Variants in RIMS2 observed in about 807,000 individuals in gnomAD.
RIMS2 encodes the protein regulating synaptic membrane exocytosis 2.
Under a neutral mutation model 174.4 loss-of-function variants are expected in RIMS2, and 59 were observed. The observed-to-expected ratio is 0.34, with a 90% CI of 0.27 to 0.42. The LOEUF is 0.42. Ranked by LOEUF, RIMS2 falls within the 10% of genes least tolerant of loss-of-function variation. The probability of loss-of-function intolerance (pLI) is 1.00; values close to 1 mark genes in which losing one functional copy is unlikely to be tolerated. For missense variants in RIMS2, 1,620 were observed against 1,666.3 expected, an observed-to-expected ratio of 0.97 and a Z score of 0.48; for synonymous variants, 606 against 572.5, an observed-to-expected ratio of 1.06 and a Z score of -0.84.
intron 3 of RIMS2, among the ~76,000 whole-genome samples, chr8:103,770,726 A>G (rs1373074602): frequency 6.8e-6 from 1 of 147,774 alleles, no homozygotes; most frequent in Non-Finnish European, 1.5e-5. Flanking sequence ...AATTAAACCT[A>G]TTTTTTTTTT....
chr8:103,924,400 A>G (rs1362274167), intron 10 of RIMS2, among the ~76,000 whole-genome samples: 1 of 151,694 alleles, frequency 6.6e-6, no homozygotes, highest in East Asian at 1.9e-4. Flanking sequence ...GCTATCTTGT[A>G]TATAATAGTT....
At chr8:103,943,216 A>G (rs971568356) in intron 14 of RIMS2, among the ~76,000 whole-genome samples, 1 of 152,244 alleles carries the variant, frequency 6.6e-6, no homozygotes, top group African/African-American at 2.4e-5. Flanking sequence ...CTTAGTGCTT[A>G]GAATCCTAAA....
At chr8:103,819,502 A>C in intron 3 of RIMS2, 1 of 1,611,980 alleles carries the variant, frequency 6.2e-7, no homozygotes, top group Non-Finnish European at 8.5e-7. Flanking sequence ...AAAAAAAAGA[A>C]AGAAAATGCA....
intron 2 of RIMS2, among the ~76,000 whole-genome samples, chr8:103,763,749 A>C (rs2098137449): frequency 2.0e-5 from 3 of 152,212 alleles, no homozygotes. Flanking sequence ...AGATATTAAC[A>C]GATGAGGAAA....
intron 2 of RIMS2, among the ~76,000 whole-genome samples, chr8:103,712,886 G>T (rs1250487437): frequency 6.6e-6 from 1 of 152,064 alleles, no homozygotes; most frequent in East Asian, 1.9e-4. Context: ...AAAAGTAAAT[G>T]AAAAATAAAA....
chr8:103,708,202 C>G (rs559288122), intron 2 of RIMS2, among the ~76,000 whole-genome samples: 1 of 152,288 alleles, frequency 6.6e-6, no homozygotes, highest in South Asian at 2.1e-4. Flanking sequence ...TTATTCACGG[C>G]TCAAGGCCAC....
At chr8:103,739,751 A>T (rs1360340082) in intron 2 of RIMS2, among the ~76,000 whole-genome samples, 1 of 152,138 alleles carries the variant, frequency 6.6e-6, no homozygotes, top group Non-Finnish European at 1.5e-5. Flanking sequence ...TCTCTTTATC[A>T]TGTATTACTC....
At chr8:103,507,332 G>T (rs60721953) in intron 1 of RIMS2, among the ~76,000 whole-genome samples, 18,877 of 151,926 alleles carry the variant, frequency 0.12, 1,268 homozygotes, top group Middle Eastern at 0.22. Flanking sequence ...TTATTTACTT[G>T]TTTATGGTCT....
At chr8:104,071,236 C>T (rs1010538316) in intron 19 of RIMS2, among the ~76,000 whole-genome samples, 2 of 152,102 alleles carry the variant, frequency 1.3e-5, no homozygotes, top group African/African-American at 2.4e-5. Context: ...AGTTTTATAT[C>T]TTTGACAGCA....
chr8:103,561,405 A>T (rs2091567988), intron 1 of RIMS2, among the ~76,000 whole-genome samples: 1 of 152,156 alleles, frequency 6.6e-6, no homozygotes, highest in African/African-American at 2.4e-5. Flanking sequence ...CTACTTTAAC[A>T]CTTGTTATAT....
chr8:103,795,145 T>C (rs542319386), intron 3 of RIMS2, among the ~76,000 whole-genome samples: 5 of 152,234 alleles, frequency 3.3e-5, no homozygotes, highest in Non-Finnish European at 7.3e-5. Flanking sequence ...TGTGTGTTTA[T>C]TGTGGCACTA....
At chr8:104,207,236 A>G (rs1039543205) in intron 19 of RIMS2, among the ~76,000 whole-genome samples, 2 of 152,184 alleles carry the variant, frequency 1.3e-5, no homozygotes, top group Non-Finnish European at 2.9e-5. Flanking sequence ...TTTTTCCATC[A>G]TGGATAACCA....
chr8:103,807,719 G>A (rs2098659315), intron 3 of RIMS2, among the ~76,000 whole-genome samples: 1 of 151,924 alleles, frequency 6.6e-6, no homozygotes, highest in Admixed American at 6.6e-5. Flanking sequence ...TGGAGGAGCT[G>A]GTAATAAAAA....
chr8:103,995,799 G>T (rs1041093659), intron 17 of RIMS2, among the ~76,000 whole-genome samples: 1 of 151,990 alleles, frequency 6.6e-6, no homozygotes, highest in Non-Finnish European at 1.5e-5. Context: ...CTGAAGGTAG[G>T]AAGTCCTAAG....
chr8:103,750,483 TAAATA>T lies in RIMS2; in HGVS notation c.388-15743_388-15739del, dbSNP rs2097874031. On this transcript the variant is annotated intron_variant, in intron 2 of 23. Transcript: ENST00000504942. Reference sequence around the variant, plus strand: ...ATTGGATTGTTTGCAACTCAATGGATAAATATTTGAGGGGATGGAGACCCCATTCA... The same window carrying T: ...ATTGGATTGTTTGCAACTCAATGGATTTTGAGGGGATGGAGACCCCATTCA... Among the ~76,000 whole-genome samples, 5 of 152,280 alleles carry T rather than the reference TAAATA, an allele frequency of 3.3e-5. No individual in the cohort carries two copies. In the Middle Eastern group the frequency reaches 0.017, roughly 518 times the overall value.
intron 19 of RIMS2, among the ~76,000 whole-genome samples, chr8:104,138,234 G>C (rs915908163): frequency 2.0e-5 from 3 of 152,084 alleles, no homozygotes; most frequent in African/African-American, 7.2e-5. Context: ...TGGCTGTCAT[G>C]AATAGTGCTG....
chr8:103,700,098 G>C (rs910055581), intron 2 of RIMS2, among the ~76,000 whole-genome samples: 1 of 152,096 alleles, frequency 6.6e-6, no homozygotes, highest in Non-Finnish European at 1.5e-5. Context: ...TTCGTTGATA[G>C]AGTCATTTAA....
chr8:103,501,002 T>C lies in RIMS2; in HGVS notation c.116T>C (p.Ile39Thr), dbSNP rs776710930. 3.1e-6 allele frequency: 5 copies of C among 1,611,184 alleles called. No homozygotes were observed. The East Asian group carries it at 6.7e-5, about 22-fold the overall frequency. ...CACCTCACGGAGGAGGAGAGGAAAA[T>C]CATCCTGGCCGTCATGGATAGGCAG... Residue 39 changes from isoleucine (I) to threonine (T), a missense_variant, in exon 1 of 24, where the codon ATC becomes ACC. Around this residue, in one of 2 missense-constraint regions of RIMS2, gnomAD observed 1,395 missense variants for 1,360.1 expected, o/e 1.03. Transcript: ENST00000504942.
chr8:104,248,744 A>G (rs2099348118), exon 21 of RIMS2: 8 of 1,613,406 alleles, frequency 5.0e-6, no homozygotes, highest in Non-Finnish European at 6.8e-6. Context: ...TAGCCAGTTC[A>G]GTGATTTCCT....
Sources: gnomAD v4.1 joint callset for allele counts (sites outside exome capture counted in the v4.1 genomes callset) on GRCh38, gnomAD v4.1.1 for gene constraint, gnomAD v4.1.1 regional missense constraint, MANE v1.5 for transcripts, NCBI Gene and HGNC (gene_info 2026-07-23, HGNC 2026-07-21) for gene names.